ANKS1B: variants seen among roughly 807,000 people sequenced by gnomAD.
ANKS1B encodes ankyrin repeat and sterile alpha motif domain-containing protein 1B.
Under a neutral mutation model 148.3 loss-of-function variants are expected in ANKS1B, and 36 were observed. That is an observed-to-expected ratio of 0.24 (90% CI 0.19 to 0.32). ANKS1B has a LOEUF of 0.32. Among genes scored for constraint, ANKS1B ranks in the 10% least tolerant of loss-of-function variants. ANKS1B has a pLI of 1.00. For synonymous variants in ANKS1B, 542 were observed against 560.8 expected (o/e 0.97, Z 0.47); for missense variants, 1,157 against 1,542.6 (o/e 0.75, Z 4.19).
chr12:99,916,853 C>G (rs2094186704), intron 1 of ANKS1B, among the ~76,000 whole-genome samples: 1 of 152,108 alleles, frequency 6.6e-6, no homozygotes, highest in South Asian at 2.1e-4. Flanking sequence ...AGTGCCAATT[C>G]ATAAATTTAT....
At chr12:98,844,687 C>T (rs1278857683) in intron 17 of ANKS1B, among the ~76,000 whole-genome samples, 5 of 152,100 alleles carry the variant, frequency 3.3e-5, no homozygotes, top group African/African-American at 4.8e-5. Flanking sequence ...GCTGGTTGTA[C>T]ATCTATAGCC....
rs947107903 is a variant in ANKS1B, at chr12:99,928,271, A to T, written c.134+55833T>A. Among the ~76,000 whole-genome samples, 401 of 99,050 alleles carry T rather than the reference A, an allele frequency of 4.0e-3. 5 individuals carry two copies. Among genetic ancestry groups the T allele is most frequent in the African/African-American group, 0.014 (346 of 24,362 alleles). 65.0% of individuals were successfully genotyped at this position (99,050 alleles called of 152,430 possible). A position where few individuals can be genotyped will look rare whatever the true frequency, so the allele number is the denominator to read the frequency against. On this transcript the variant is annotated intron_variant, in intron 1 of 26. Transcript: ENST00000683438. ...ACCACCTATTATTTTATTTTATTTT[A>T]TTTTTTTTTTTTTTTTTTGAGACGG...
intron 1 of ANKS1B, among the ~76,000 whole-genome samples, chr12:99,917,327 A>T (rs2094201490): frequency 6.6e-6 from 1 of 152,232 alleles, no homozygotes; most frequent in African/African-American, 2.4e-5. Flanking sequence ...AATGTCAGCC[A>T]ATCTTTGTCC....
intron 12 of ANKS1B, among the ~76,000 whole-genome samples, chr12:99,388,627 T>C (rs1259062862): frequency 6.6e-6 from 1 of 152,150 alleles, no homozygotes; most frequent in Admixed American, 6.5e-5. Flanking sequence ...ATCTCACAGT[T>C]TACAAGAGTC....
intron 24 of ANKS1B, among the ~76,000 whole-genome samples, chr12:98,780,834 C>A (rs971293555): frequency 2.0e-5 from 3 of 152,086 alleles, no homozygotes; most frequent in Admixed American, 2.0e-4. Context: ...TAATAAGTGG[C>A]CACAGTCTAT....
At chr12:99,286,744 G>A (rs909042148) in intron 12 of ANKS1B, among the ~76,000 whole-genome samples, 1 of 152,186 alleles carries the variant, frequency 6.6e-6, no homozygotes, top group African/African-American at 2.4e-5. Flanking sequence ...CTTGGGCCTG[G>A]AGCAAACATC....
At chr12:98,966,807 C>T (rs1020788754) in intron 17 of ANKS1B, among the ~76,000 whole-genome samples, 4 of 137,112 alleles carry the variant, frequency 2.9e-5, no homozygotes, top group African/African-American at 1.3e-4. Context: ...CCAAACACCG[C>T]ATGTTCTCAC....
chr12:99,658,248 A>T (rs2098459755), intron 8 of ANKS1B, among the ~76,000 whole-genome samples: 1 of 152,136 alleles, frequency 6.6e-6, no homozygotes, highest in Non-Finnish European at 1.5e-5. Flanking sequence ...AGCAGATAAG[A>T]CCATTGTCAG....
intron 8 of ANKS1B, among the ~76,000 whole-genome samples, chr12:99,710,526 T>G (rs1261985955): frequency 6.6e-6 from 1 of 152,078 alleles, no homozygotes; most frequent in African/African-American, 2.4e-5. Flanking sequence ...GTGGGGGAAA[T>G]GAATTAGGTA....
At chr12:99,805,285 A>AAAAAAAAAAAAC in intron 4 of ANKS1B, among the ~76,000 whole-genome samples, 2 of 149,198 alleles carry the variant, frequency 1.3e-5, no homozygotes, top group Non-Finnish European at 1.5e-5. Flanking sequence ...AAAAAAAAAA[A>AAAAAAAAAAAAC]AAAGACTAAC....
chr12:99,096,005 T>A (rs1001256981), intron 15 of ANKS1B, among the ~76,000 whole-genome samples: 1 of 152,206 alleles, frequency 6.6e-6, no homozygotes, highest in African/African-American at 2.4e-5. Flanking sequence ...AGCTTATAAT[T>A]GAAGATGACA....
intron 9 of ANKS1B, among the ~76,000 whole-genome samples, chr12:99,519,536 T>A (rs1187889017): frequency 1.3e-5 from 2 of 152,162 alleles, no homozygotes; most frequent in African/African-American, 4.8e-5. Flanking sequence ...GATATAAATA[T>A]AGCTATTCCT....
chr12:99,896,972 T>C (rs915174855), intron 1 of ANKS1B, among the ~76,000 whole-genome samples: 2 of 151,226 alleles, frequency 1.3e-5, no homozygotes, highest in Non-Finnish European at 3.0e-5. Flanking sequence ...TGCACAAAAA[T>C]CTATCTCACA....
intron 12 of ANKS1B, among the ~76,000 whole-genome samples, chr12:99,377,239 C>G (rs2093428979): frequency 6.6e-6 from 1 of 152,126 alleles, no homozygotes; most frequent in Non-Finnish European, 1.5e-5. Context: ...ATCTCTTGAC[C>G]TCGTGATCTG....
At chr12:99,835,263 A>C (rs1218802810) in intron 1 of ANKS1B, among the ~76,000 whole-genome samples, 3 of 151,258 alleles carry the variant, frequency 2.0e-5, no homozygotes, top group Admixed American at 6.6e-5. Context: ...AAAAAAAAAA[A>C]AAAACACAAA....
rs183680533 is a variant in ANKS1B at position 99,606,575 on chromosome 12, C to T, written c.1272+48492G>A. ...TTCTCTATATCTTATAAAAAGAAGA[C>T]GCCAAAGTACATAAACTTATGAATA... On this transcript the variant is annotated intron_variant, in intron 9 of 26. Transcript: ENST00000683438. Among the ~76,000 whole-genome samples the T allele has an allele frequency of 4.0e-3, 603 of 151,836 alleles. 4 individuals are homozygous for T. The highest frequency in any genetic ancestry group is 0.013 in the African/African-American group (549 of 41,438).
chr12:99,594,706 C>T (rs755194839), intron 9 of ANKS1B, among the ~76,000 whole-genome samples: 7 of 151,810 alleles, frequency 4.6e-5, no homozygotes, highest in African/African-American at 1.2e-4. Flanking sequence ...GTGGTTGGTA[C>T]GGGCTGGGGA....
chr12:98,754,793 C>T (rs554452374), intron 25 of ANKS1B, among the ~76,000 whole-genome samples: 37 of 152,286 alleles, frequency 2.4e-4, no homozygotes, highest in Admixed American at 4.6e-4. Context: ...GAAGTCCTGC[C>T]CTTTCATTTT....
intron 8 of ANKS1B, among the ~76,000 whole-genome samples, chr12:99,728,844 CCTAA>C (rs772070677): frequency 2.2e-4 from 34 of 152,192 alleles, no homozygotes; most frequent in African/African-American, 5.3e-4. Flanking sequence ...TGGAAGCCAT[CCTAA>C]CTAACTAACT....
Sources: allele counts gnomAD v4.1 joint callset (sites outside exome capture counted in the v4.1 genomes callset), GRCh38; gene constraint gnomAD v4.1.1; transcripts MANE v1.5; gene names NCBI Gene and HGNC (gene_info 2026-07-23, HGNC 2026-07-21).